Variants in KPNA1 observed in about 807,000 individuals in gnomAD.
The protein encoded by KPNA1 is importin subunit alpha-5.
Under a neutral mutation model 70.5 loss-of-function variants are expected in KPNA1, and 10 were observed. That is an observed-to-expected ratio of 0.14 (90% CI 0.09 to 0.24). The LOEUF is 0.24. KPNA1 is among the 10% of genes least tolerant of loss of function. KPNA1 has a pLI of 1.00. For missense variants in KPNA1, 397 were observed against 637.9 expected (o/e 0.62, Z 4.07); for synonymous variants, 192 against 221.9 (o/e 0.87, Z 1.20).
chr3:122,461,375 T>TA, intron 4 of KPNA1, 57 bp from the exon 5 acceptor site: 1 of 1,188,094 alleles, frequency 8.4e-7, no homozygotes, highest in African/African-American at 1.5e-5. Flanking sequence ...TGCAAGAACT[T>TA]AACAGCTCAA....
At chr3:122,427,813 T>TA (rs57966074) in intron 12 of KPNA1, 97 bp from the exon 13 acceptor site, 94,350 of 545,310 alleles carry the variant, frequency 0.17, 2,499 homozygotes, top group Middle Eastern at 0.29. Context: ...TGCAGAGACT[T>TA]AAAAAAAAAA....
At chr3:122,447,101 G>A (rs2076148479) in intron 9 of KPNA1, among the ~76,000 whole-genome samples, 1 of 152,286 alleles carries the variant, frequency 6.6e-6, no homozygotes, top group South Asian at 2.1e-4. Context: ...ACAAAGAGGA[G>A]CTGGTACCAT....
chr3:122,496,367 GAAGATAGTTTCAGGCTT>G, intron 2 of KPNA1, 53 bp downstream of exon 2: 1 of 1,223,040 alleles, frequency 8.2e-7, no homozygotes, highest in Non-Finnish European at 1.2e-6. Flanking sequence ...TTGCTAAAAT[GAAGATAGTTTCAGGCTT>G]AAAATGGAAC....
chr3:122,424,426 T>G lies in KPNA1; in HGVS notation c.*2559A>C, dbSNP rs2075795723. 1 of 152,208 alleles carries G rather than the reference T, an allele frequency of 6.6e-6. No individual in the cohort carries two copies. The highest frequency in any genetic ancestry group is 1.5e-5 in the Non-Finnish European group (1 of 68,026). The allele number at this position is 152,208 out of a possible 1,614,324, so 9.4% of individuals were successfully genotyped here. ...AAGTTCCAACATATCTGAGTTATGC[T>G]ACTTCACTTTTAGCCAATTCCAACT... is the stretch of plus-strand genomic sequence containing the variant. On this transcript the variant is annotated 3_prime_UTR_variant, in exon 14 of 14. Transcript: ENST00000344337.
rs753844419 is a variant in KPNA1 at position 122,449,731 on chromosome 3, G to C, written c.760C>G (p.Pro254Ala). The C allele has an allele frequency of 1.2e-6, 2 of 1,605,408 alleles. No individual in the cohort carries two copies. Residue 254 changes from proline (P) to alanine (A), a missense_variant, in exon 9 of 14, where the codon CCA becomes GCA. By Grantham distance (27) the Pro-to-Ala change is conservative. Coordinates refer to ENST00000344337, the MANE Select transcript of KPNA1 (RefSeq NM_002264.4). ...SPPPEFAKVS[P>A]CLNVLSWLLF... ...AACCAGGAAAGCACATTCAGACATGGAGAAACCTGTAAAAGGAAAATGATG... is the reference window on the plus strand; with the variant it reads ...AACCAGGAAAGCACATTCAGACATGCAGAAACCTGTAAAAGGAAAATGATG...
At chr3:122,500,268 T>C (rs1021576884) in intron 1 of KPNA1, among the ~76,000 whole-genome samples, 3 of 151,844 alleles carry the variant, frequency 2.0e-5, no homozygotes, top group East Asian at 3.9e-4. Context: ...ATTATAGGCA[T>C]GCACCACCAC....
At chr3:122,467,731 G>C (rs2076397860) in intron 2 of KPNA1, among the ~76,000 whole-genome samples, 1 of 151,872 alleles carries the variant, frequency 6.6e-6, no homozygotes, top group Non-Finnish European at 1.5e-5. Flanking sequence ...GGTCATGCTT[G>C]GCCATTTTCC....
At chr3:122,438,544 G>A (rs938404679) in intron 10 of KPNA1, among the ~76,000 whole-genome samples, 6 of 151,818 alleles carry the variant, frequency 4.0e-5, no homozygotes, top group South Asian at 2.1e-4. Flanking sequence ...GCGCCACCAC[G>A]CCCGGCTAAT....
intron 2 of KPNA1, among the ~76,000 whole-genome samples, chr3:122,471,508 A>G (rs1308376610): frequency 1.3e-5 from 2 of 152,250 alleles, no homozygotes; most frequent in Non-Finnish European, 2.9e-5. Context: ...TTAAAAGTAA[A>G]TAGATGGAGA....
intron 12 of KPNA1, chr3:122,433,318 T>C (rs1288586289): frequency 5.2e-6 from 1 of 192,638 alleles, no homozygotes; most frequent in East Asian, 1.3e-4. Flanking sequence ...GTAACCTATA[T>C]TACCCAAGAT....
intron 6 of KPNA1, among the ~76,000 whole-genome samples, 193 bp from the exon 7 acceptor site, chr3:122,452,257 TAATTCA>T (rs2076210220): frequency 1.3e-5 from 2 of 152,122 alleles, no homozygotes; most frequent in Non-Finnish European, 2.9e-5. Context: ...AGGAAAGAAC[TAATTCA>T]TTTTTGTTTG....
At chr3:122,476,236 T>C (rs1407287779) in intron 2 of KPNA1, among the ~76,000 whole-genome samples, 1 of 152,160 alleles carries the variant, frequency 6.6e-6, no homozygotes, top group East Asian at 1.9e-4. Context: ...TAGATATCCA[T>C]GTGCACAAGA....
chr3:122,480,649 T>C (rs77569134), intron 2 of KPNA1, among the ~76,000 whole-genome samples: 1 of 151,578 alleles, frequency 6.6e-6, no homozygotes, highest in African/African-American at 2.4e-5. Context: ...TGTGGTACAA[T>C]TTTTTTTAAA....
At chr3:122,508,860 A>C (rs761910613) in intron 1 of KPNA1, among the ~76,000 whole-genome samples, 3 of 152,254 alleles carry the variant, frequency 2.0e-5, no homozygotes, top group Admixed American at 1.3e-4. Flanking sequence ...TCAATAAAGA[A>C]AAGACAACAA....
chr3:122,475,865 A>G (rs574685147), intron 2 of KPNA1, among the ~76,000 whole-genome samples: 2 of 152,336 alleles, frequency 1.3e-5, no homozygotes, highest in African/African-American at 4.8e-5. Context: ...TACAATTCAT[A>G]AAGTGGAAGT....
chr3:122,457,965 A>G (rs1226843992), intron 5 of KPNA1: 11 of 879,948 alleles, frequency 1.3e-5, no homozygotes, highest in Admixed American at 3.6e-5. Context: ...AGAGAGATCA[A>G]TGAAGATGGG....
chr3:122,460,643 A>T, intron 5 of KPNA1: 1 of 675,986 alleles, frequency 1.5e-6, no homozygotes, highest in Non-Finnish European at 1.8e-6. Flanking sequence ...TCTCAAGAAA[A>T]AGAAGAAAAA....
At chr3:122,473,620 TCA>T (rs2076466738) in intron 2 of KPNA1, among the ~76,000 whole-genome samples, 1 of 151,606 alleles carries the variant, frequency 6.6e-6, no homozygotes. Flanking sequence ...GGAAGAAAAA[TCA>T]CACACCCATA....
At chr3:122,499,785 GT>G (rs1430406968) in intron 1 of KPNA1, among the ~76,000 whole-genome samples, 1 of 151,962 alleles carries the variant, frequency 6.6e-6, no homozygotes, top group Non-Finnish European at 1.5e-5. Flanking sequence ...AAAGAGACGG[GT>G]TTATATTTTC....
Sources: allele counts gnomAD v4.1 joint callset (sites outside exome capture counted in the v4.1 genomes callset), GRCh38; gene constraint gnomAD v4.1.1; transcripts MANE v1.5; gene names NCBI Gene and HGNC (gene_info 2026-07-23, HGNC 2026-07-21).